ADARB2: variants seen among roughly 807,000 people sequenced by gnomAD.
ADARB2 encodes adenosine deaminase RNA specific B2 (inactive), also known as inactive double-stranded RNA-specific editase B2.
ADARB2 carries 25 observed loss-of-function variants against 62.2 expected under a neutral mutation model. That is an observed-to-expected ratio of 0.40 (90% CI 0.29 to 0.56). ADARB2 has a LOEUF of 0.56. Among genes scored for constraint, ADARB2 ranks in the 20% least tolerant of loss-of-function variants. The pLI, the probability that ADARB2 is intolerant of heterozygous loss-of-function variation, is 0.43. For missense variants in ADARB2, 1,071 were observed against 1,077.4 expected, an observed-to-expected ratio of 0.99 and a Z score of 0.08; for synonymous variants, 572 against 500.8, an observed-to-expected ratio of 1.14 and a Z score of -1.90.
chr10:1,329,707 C>T (rs774445063), intron 3 of ADARB2, among the ~76,000 whole-genome samples: 8 of 152,172 alleles, frequency 5.3e-5, no homozygotes. Flanking sequence ...TGGTGTGGGA[C>T]AAACAACATC....
At chr10:1,219,049 CAAA>C (rs58282140) in intron 6 of ADARB2, among the ~76,000 whole-genome samples, 1 of 103,626 alleles carries the variant, frequency 9.7e-6, no homozygotes, top group Non-Finnish European at 1.9e-5. Flanking sequence ...GACTACGTCT[CAAA>C]AAAAAAAAAA....
At chr10:1,393,289 C>T (rs569319852) in intron 1 of ADARB2, among the ~76,000 whole-genome samples, 17 of 152,284 alleles carry the variant, frequency 1.1e-4, no homozygotes, top group Middle Eastern at 6.8e-3. Flanking sequence ...TTGATACAGG[C>T]GTGCAATGCA....
chr10:1,209,046 A>G (rs1175652256), intron 7 of ADARB2, among the ~76,000 whole-genome samples: 1 of 151,952 alleles, frequency 6.6e-6, no homozygotes, highest in Non-Finnish European at 1.5e-5. Context: ...TTTCAGATGC[A>G]GTGAGGGGCG....
At chr10:1,723,054 C>T (rs1588367092) in intron 1 of ADARB2, among the ~76,000 whole-genome samples, 2 of 152,204 alleles carry the variant, frequency 1.3e-5, no homozygotes, top group South Asian at 4.1e-4. Context: ...GTGGACAACA[C>T]ATGTCACTAA....
At chr10:1,716,581 A>G (rs540179364) in intron 1 of ADARB2, among the ~76,000 whole-genome samples, 2 of 152,350 alleles carry the variant, frequency 1.3e-5, no homozygotes, top group Middle Eastern at 3.4e-3. Context: ...AAAACATGGC[A>G]TGTGTCTCTT....
intron 1 of ADARB2, among the ~76,000 whole-genome samples, chr10:1,576,473 G>T (rs1156713501): frequency 6.6e-6 from 1 of 152,144 alleles, no homozygotes; most frequent in Admixed American, 6.5e-5. Context: ...CTGCAAATAC[G>T]GTAGCAGCAG....
chr10:1,189,688 C>T (rs1836811898), intron 8 of ADARB2, among the ~76,000 whole-genome samples: 1 of 152,030 alleles, frequency 6.6e-6, no homozygotes. Context: ...GATAACACAG[C>T]AGCACATACC....
At chr10:1,678,078 A>G in intron 1 of ADARB2, 1 of 736,626 alleles carries the variant, frequency 1.4e-6, no homozygotes. Flanking sequence ...CCACAGGCCT[A>G]GTGGTTTTAA....
chr10:1,378,954 G>T, intron 2 of ADARB2, 120 bp downstream of exon 2: 1 of 805,498 alleles, frequency 1.2e-6, no homozygotes, highest in Non-Finnish European at 2.1e-6. Context: ...GTCTCTCCAG[G>T]TAAGACCAAA....
intron 1 of ADARB2, among the ~76,000 whole-genome samples, chr10:1,506,362 C>A (rs1831853402): frequency 6.6e-6 from 1 of 152,070 alleles, no homozygotes; most frequent in African/African-American, 2.4e-5. Context: ...TGGAAGCTTC[C>A]AGATGATAAA....
chr10:1,622,187 C>A (rs1833711789), intron 1 of ADARB2, among the ~76,000 whole-genome samples: 3 of 152,234 alleles, frequency 2.0e-5, no homozygotes, highest in East Asian at 1.9e-4. Context: ...ACACTATACA[C>A]AAAACGCACA....
At chr10:1,197,668 C>A (rs951183686) in intron 8 of ADARB2, among the ~76,000 whole-genome samples, 1 of 152,212 alleles carries the variant, frequency 6.6e-6, no homozygotes, top group Non-Finnish European at 1.5e-5. Context: ...ATGTTCGTTG[C>A]CAAGACCTTG....
intron 1 of ADARB2, among the ~76,000 whole-genome samples, chr10:1,496,842 A>C (rs1045829677): frequency 1.3e-5 from 2 of 152,176 alleles, no homozygotes; most frequent in African/African-American, 2.4e-5. Flanking sequence ...AACTTTCCTC[A>C]TACGGAGAGC....
chr10:1,328,060 C>T (rs549070021), intron 3 of ADARB2, among the ~76,000 whole-genome samples: 6 of 90,100 alleles, frequency 6.7e-5, no homozygotes, highest in South Asian at 6.2e-4. Flanking sequence ...AAATGACATG[C>T]GAGGAAGCCT....
intron 7 of ADARB2, among the ~76,000 whole-genome samples, chr10:1,210,761 A>G (rs1837139863): frequency 6.6e-6 from 1 of 152,206 alleles, no homozygotes; most frequent in Admixed American, 6.5e-5. Flanking sequence ...GTGGGGGTGT[A>G]AAGAAGCCTG....
At chr10:1,214,232 A>C (rs1431404252) in intron 7 of ADARB2, among the ~76,000 whole-genome samples, 1 of 147,390 alleles carries the variant, frequency 6.8e-6, no homozygotes, top group African/African-American at 2.5e-5. Context: ...GTAGGTTTGC[A>C]CCTGTGCCTG....
intron 1 of ADARB2, among the ~76,000 whole-genome samples, chr10:1,663,882 T>G (rs1268710248): frequency 6.6e-6 from 1 of 152,206 alleles, no homozygotes; most frequent in Non-Finnish European, 1.5e-5. Flanking sequence ...ACTCCCAAAG[T>G]GCTGGGATTG....
chr10:1,524,250 A>G (rs1832112193), intron 1 of ADARB2, among the ~76,000 whole-genome samples: 2 of 152,226 alleles, frequency 1.3e-5, no homozygotes, highest in Admixed American at 1.3e-4. Context: ...TAGGGTCAGG[A>G]CTTTATGACT....
chr10:1,536,683 A>G lies in ADARB2; in HGVS notation c.101-157523T>C, dbSNP rs114522531. On this transcript the variant is annotated intron_variant, in intron 1 of 9. Coordinates refer to ENST00000381312, the MANE Select transcript of ADARB2 (RefSeq NM_018702.4). ...GCAAAATGTTCCCAAGAAAAATGAG[A>G]AAATAAAAATTGCTCTTTTTCAATG... Among the ~76,000 whole-genome samples the G allele has an allele frequency of 2.7e-3, 413 of 152,360 alleles. 3 individuals carry two copies. The highest frequency in any genetic ancestry group is 0.014 in the Middle Eastern group (4 of 294).
Sources: allele counts gnomAD v4.1 joint callset (sites outside exome capture counted in the v4.1 genomes callset), GRCh38; gene constraint gnomAD v4.1.1; transcripts MANE v1.5; gene names NCBI Gene and HGNC (gene_info 2026-07-23, HGNC 2026-07-21).